ZSCAN20: variants seen among roughly 807,000 people sequenced by gnomAD.
The protein encoded by ZSCAN20 is zinc finger and SCAN domain-containing protein 20.
A neutral mutation model predicts 97.1 loss-of-function variants in ZSCAN20; 39 were observed. The ratio of observed to expected loss-of-function variants is 0.40; its 90% CI spans 0.31 to 0.52. The LOEUF (loss-of-function observed/expected upper bound fraction) is 0.52. Ranked by LOEUF, ZSCAN20 falls within the 20% of genes least tolerant of loss-of-function variation. The probability of loss-of-function intolerance (pLI) is 0.49; values close to 1 mark genes in which losing one functional copy is unlikely to be tolerated. For synonymous variants in ZSCAN20, 456 were observed against 467.3 expected (o/e 0.98, Z 0.31); for missense variants, 1,115 against 1,290.4 (o/e 0.86, Z 2.08).
In ZSCAN20 at chr1:33,493,107, A is replaced by C; in HGVS notation, c.1445-80A>C. 3 of 1,405,422 alleles carry C rather than the reference A, an allele frequency of 2.1e-6. No individual in the cohort carries two copies. The highest frequency in any genetic ancestry group is 2.9e-6 in the Non-Finnish European group (3 of 1,018,592). The allele number at this position is 1,405,422 out of a possible 1,614,324, so 87.1% of individuals were successfully genotyped here. A position where few individuals can be genotyped will look rare whatever the true frequency, so the allele number is the denominator to read the frequency against. On this transcript the variant is annotated intron_variant, in intron 6 of 7. Coordinates refer to ENST00000684572, the MANE Select transcript of ZSCAN20 (RefSeq NM_001377376.1). The surrounding 1 kb of genome is among the most constrained non-coding windows in gnomAD (Gnocchi z 4.3). ...ACATGCCTATGTTCTAGGTATTTTG[A>C]AGGGCAGGTGACTTTATTCTCTGAT... is the stretch of plus-strand genomic sequence containing the variant.
intron 2 of ZSCAN20, among the ~76,000 whole-genome samples, chr1:33,487,236 T>C (rs1315979114): frequency 2.0e-5 from 3 of 152,196 alleles, no homozygotes; most frequent in Non-Finnish European, 4.4e-5. Flanking sequence ...ATGTATGTAT[T>C]TTCTGTTTTT....
chr1:33,478,204 A>G (rs530462744), intron 1 of ZSCAN20, among the ~76,000 whole-genome samples: 1 of 152,122 alleles, frequency 6.6e-6, no homozygotes, highest in Admixed American at 6.5e-5. Context: ...TTGTTGTGCA[A>G]ACAATAGAGC....
In ZSCAN20 at chr1:33,491,396, G is replaced by T. The variant is rs201884495; in HGVS notation, c.1138G>T (p.Val380Phe). 1.8e-4 allele frequency: 289 copies of T among 1,614,040 alleles called. No homozygotes were observed. The highest frequency in any genetic ancestry group is 2.3e-4 in the Non-Finnish European group (268 of 1,180,032). The change falls in exon 6 of 8, where the codon GTC becomes TTC. Residue 380 changes from valine to phenylalanine, a missense_variant. Physicochemically the swap from Val to Phe is conservative, Grantham distance 50. Around this residue, in one of 3 missense-constraint regions of ZSCAN20, gnomAD observed 508 missense variants for 611.2 expected, o/e 0.83. Coordinates refer to ENST00000684572, the MANE Select transcript of ZSCAN20 (RefSeq NM_001377376.1). The surrounding 1 kb of genome is among the most constrained non-coding windows in gnomAD (Gnocchi z 4.3). Reference protein sequence around the residue: ...LRTLEQCRYRVKNLLRNYRKA... With the variant: ...LRTLEQCRYRFKNLLRNYRKA... ...GACACTGGAGCAATGTCGCTATAGG[G>T]TCAAAAACCTCCTACGGAATTACCG...
At chr1:33,479,918 T>C (rs1652083212) in intron 2 of ZSCAN20, among the ~76,000 whole-genome samples, 1 of 152,194 alleles carries the variant, frequency 6.6e-6, no homozygotes, top group African/African-American at 2.4e-5. Flanking sequence ...ATAGGTGCTA[T>C]TATCCTAATT....
chr1:33,487,178 G>A (rs1329569589), intron 2 of ZSCAN20, among the ~76,000 whole-genome samples: 2 of 152,186 alleles, frequency 1.3e-5, no homozygotes, highest in Non-Finnish European at 2.9e-5. Context: ...GAACGGGGTC[G>A]ATGGGATGAA....
At position 33,493,436 on chromosome 1, in the gene ZSCAN20, T is replaced by C; in HGVS notation, c.1694T>C (p.Leu565Pro). The change falls in exon 7 of 8, where the codon CTG becomes CCG. Residue 565 changes from leucine to proline, a missense_variant. Physicochemically the swap from Leu to Pro is moderately conservative, Grantham distance 98 (BLOSUM62 -3). Around this residue, in one of 3 missense-constraint regions of ZSCAN20, gnomAD observed 554 missense variants for 584.9 expected, o/e 0.95. Coordinates refer to ENST00000684572, the MANE Select transcript of ZSCAN20 (RefSeq NM_001377376.1). This position sits in a 1 kb window ranked among gnomAD's most constrained non-coding sequence, Gnocchi z 4.3. ...GGGACATGCCCTTTCTATGAGGAAC[T>C]GGACTCGCTGATGAGGGCTCGGGCT... ...PPGTCPFYEE[L>P]DSLMRARAAV... The C allele has an allele frequency of 6.2e-7, 1 of 1,614,196 alleles. No homozygotes were observed. The highest frequency in any genetic ancestry group is 8.5e-7 in the Non-Finnish European group (1 of 1,180,036).
At position 33,479,462 on chromosome 1, in the gene ZSCAN20, A is replaced by G; in HGVS notation, c.174A>G (p.Gln58=). ...CCCGCCAGCGCTTCAGGCAATTCCA[A>G]TACAGGGATGCAGCTGGACCCCACG... ...EASRQRFRQF[Q]YRDAAGPHEA... Residue 58 remains glutamine, a synonymous_variant, in exon 2 of 8, where the codon CAA becomes CAG. Transcript: ENST00000684572. 1 of 1,614,204 alleles carries G rather than the reference A, an allele frequency of 6.2e-7. No homozygotes were observed. Among genetic ancestry groups the G allele is most frequent in the Non-Finnish European group, 8.5e-7 (1 of 1,180,008 alleles).
At chr1:33,490,307 C>A (rs977714256) in intron 5 of ZSCAN20, among the ~76,000 whole-genome samples, 7 of 152,270 alleles carry the variant, frequency 4.6e-5, no homozygotes, top group African/African-American at 1.7e-4. Flanking sequence ...ATCCTTATAC[C>A]TCTTTAAACC....
Position 33,494,837 on chromosome 1 carries a change from T to C in ZSCAN20, c.2493T>C (p.Phe831=). ...AGTGTAGTGAGCCTGGGGGAAACTT[T>C]GCCCAAAGCCCATCTTTTAGTGCTC... ...PDQCSEPGGN[F]AQSPSFSAHW... is the part of the protein sequence containing the mutation. Residue 831 remains phenylalanine (F), a synonymous_variant, in exon 8 of 8, where the codon TTT becomes TTC. Transcript: ENST00000684572. The C allele has an allele frequency of 6.2e-7, 1 of 1,614,208 alleles. No individual in the cohort carries two copies. Among genetic ancestry groups the C allele is most frequent in the Non-Finnish European group, 8.5e-7 (1 of 1,180,036 alleles).
Position 33,494,427 on chromosome 1 carries a change from G to A in ZSCAN20, c.2083G>A (p.Glu695Lys). ...AGAAAGTTCTTCTGAAGAGGACTTA[G>A]AAAAACTTATTGACCATCAAGGCCT... Reference protein sequence around the residue: ...WQESSSEEDLEKLIDHQGLYL... With the variant: ...WQESSSEEDLKKLIDHQGLYL... The change falls in exon 8 of 8, where the codon GAA (glutamate) becomes AAA (lysine). Residue 695 changes from glutamate to lysine, a missense_variant. Transcript: ENST00000684572. 6.2e-7 allele frequency: 1 copy of A among 1,613,562 alleles called. No homozygotes were observed. Among genetic ancestry groups the A allele is most frequent in the Non-Finnish European group, 8.5e-7 (1 of 1,179,732 alleles).
rs866416831 is a variant in ZSCAN20 at position 33,491,093 on chromosome 1, C to T, written c.835C>T (p.Leu279Phe). 6.2e-7 allele frequency: 1 copy of T among 1,613,528 alleles called. No homozygotes were observed. Among genetic ancestry groups the T allele is most frequent in the Non-Finnish European group, 8.5e-7 (1 of 1,179,984 alleles). The change falls in exon 6 of 8, where the codon CTT (leucine) becomes TTT (phenylalanine). Residue 279 changes from leucine to phenylalanine, a missense_variant. Around this residue, in one of 3 missense-constraint regions of ZSCAN20, gnomAD observed 508 missense variants for 611.2 expected, o/e 0.83. Coordinates refer to ENST00000684572, the MANE Select transcript of ZSCAN20 (RefSeq NM_001377376.1). The surrounding 1 kb of genome is among the most constrained non-coding windows in gnomAD (Gnocchi z 4.3). ...EQGPEFWGLSLINSGKRSTAD... is the reference protein window; with the variant it reads ...EQGPEFWGLSFINSGKRSTAD... ...AGGACCAGAGTTTTGGGGTCTAAGT[C>T]TTATAAATTCTGGGAAAAGGAGCAC...
Position 33,500,746 on chromosome 1 carries a change from G to A in ZSCAN20, c.*5270G>A, listed in dbSNP as rs185831816. On this transcript the variant is annotated 3_prime_UTR_variant, in exon 8 of 8. Transcript: ENST00000684572. ...CCTAGAGGGCGAGGGCCACGGGAAG[G>A]GGGATCAGGAAAACAAGAATCAGTC... Among the ~76,000 whole-genome samples, 1 of 151,766 alleles carries A rather than the reference G, an allele frequency of 6.6e-6. No individual in the cohort carries two copies. The highest frequency in any genetic ancestry group is 2.0e-4 in the East Asian group (1 of 5,104).
Position 33,493,541 on chromosome 1 carries a change from A to C in ZSCAN20, c.1799A>C (p.Gln600Pro). The C allele has an allele frequency of 6.2e-7, 1 of 1,613,194 alleles. No homozygotes were observed. Among genetic ancestry groups the C allele is most frequent in the Non-Finnish European group, 8.5e-7 (1 of 1,179,316 alleles). ...CGQSSAETDAQEAWGEVANED... is the reference protein window; with the variant it reads ...CGQSSAETDAPEAWGEVANED... Reference sequence around the variant, plus strand: ...CAGAGTAGTGCTGAGACTGATGCCCAGGAGGCCTGGGGTGAAGTGGCCAAT... The same window carrying C: ...CAGAGTAGTGCTGAGACTGATGCCCCGGAGGCCTGGGGTGAAGTGGCCAAT... The change falls in exon 7 of 8, where the codon CAG becomes CCG. Residue 600 changes from glutamine to proline, a missense_variant. Gln to Pro is a moderately conservative substitution (Grantham distance 76). Around this residue, in one of 3 missense-constraint regions of ZSCAN20, gnomAD observed 554 missense variants for 584.9 expected, o/e 0.95. Coordinates refer to ENST00000684572, the MANE Select transcript of ZSCAN20 (RefSeq NM_001377376.1). The surrounding 1 kb of genome is among the most constrained non-coding windows in gnomAD (Gnocchi z 4.3).
At chr1:33,481,561 G>A (rs1652156762) in intron 2 of ZSCAN20, among the ~76,000 whole-genome samples, 1 of 152,132 alleles carries the variant, frequency 6.6e-6, no homozygotes, top group Non-Finnish European at 1.5e-5. Flanking sequence ...AGTAGCAGAG[G>A]AGCTTGTTTT....
At chr1:33,484,489 C>T (rs540138028) in intron 2 of ZSCAN20, among the ~76,000 whole-genome samples, 1 of 152,120 alleles carries the variant, frequency 6.6e-6, no homozygotes, top group Non-Finnish European at 1.5e-5. Context: ...TGATGGGTTA[C>T]ATTAATTGAT....
In ZSCAN20 at chr1:33,488,613, T is replaced by C. The variant is rs1320312395; in HGVS notation, c.566T>C (p.Leu189Pro). Residue 189 changes from leucine to proline, a missense_variant, in exon 3 of 8, where the codon CTA (leucine) becomes CCA (proline). This residue lies in a region of ZSCAN20 where 508 missense variants were observed against 611.2 expected (regional missense o/e 0.83). Transcript: ENST00000684572. ...ACATGCCCTGACCTTCCCAATCACC[T>C]AAATGCCGAGGTGGCACCACAGCCT... Reference protein sequence around the residue: ...KNTCPDLPNHLNAEVAPQPLK... With the variant: ...KNTCPDLPNHPNAEVAPQPLK... 2 of 1,613,136 alleles carry C rather than the reference T, an allele frequency of 1.2e-6. No homozygotes were observed. The highest frequency in any genetic ancestry group is 8.5e-7 in the Non-Finnish European group (1 of 1,179,722).
chr1:33,479,613 AC>A lies in ZSCAN20; in HGVS notation c.327del (p.Trp110GlyfsTer42). The A allele has an allele frequency of 6.2e-7, 1 of 1,613,172 alleles. No individual in the cohort carries two copies. The highest frequency in any genetic ancestry group is 8.5e-7 in the Non-Finnish European group (1 of 1,179,568). On this transcript the variant is annotated frameshift_variant, in exon 2 of 8. Transcript: ENST00000684572. LOFTEE classifies it high-confidence loss of function. ...GACTATCTTGCCTAGGGAGGTCCAGACCTGGGTGCAGGCACGCCACCCTGAG... is the reference window on the plus strand; with the variant it reads ...GACTATCTTGCCTAGGGAGGTCCAGACTGGGTGCAGGCACGCCACCCTGAG... ...FLTILPREVQTWVQARHPESG... is the reference protein window; with the variant it reads ...FLTILPREVQXWVQARHPESG...
rs1037232637 is a variant in ZSCAN20 at position 33,498,286 on chromosome 1, T to C, written c.*2810T>C. On this transcript the variant is annotated 3_prime_UTR_variant, in exon 8 of 8. Coordinates refer to ENST00000684572, the MANE Select transcript of ZSCAN20 (RefSeq NM_001377376.1). ...TCACCCTTTCCCCTGGGTTTGGTAG[T>C]GTGTTAGTGTCTCATATCTTTAGTG... 6.6e-6 allele frequency among the ~76,000 whole-genome samples: 1 copy of C among 152,208 alleles called. No homozygotes were observed. Among genetic ancestry groups the C allele is most frequent in the African/African-American group, 2.4e-5 (1 of 41,456 alleles).
In ZSCAN20 at chr1:33,489,294, C is replaced by T. The variant is rs115372761; in HGVS notation, c.681+103C>T. On this transcript the variant is annotated intron_variant, in intron 4 of 7. Coordinates refer to ENST00000684572, the MANE Select transcript of ZSCAN20 (RefSeq NM_001377376.1). ...CCATGACCTCTGCTCAGCAAAAGGG[C>T]ATGAGGCCCAGGGTGTTAGCCTTTG... is the stretch of plus-strand genomic sequence containing the variant. The T allele has an allele frequency of 1.9e-5, 24 of 1,274,860 alleles. No homozygotes were observed. The Admixed American group carries it at 4.7e-4, about 25-fold the overall frequency. 79.0% of individuals were successfully genotyped at this position (1,274,860 alleles called of 1,614,324 possible). A position where few individuals can be genotyped will look rare whatever the true frequency, so the allele number is the denominator to read the frequency against.
Sources: allele counts gnomAD v4.1 joint callset (sites outside exome capture counted in the v4.1 genomes callset), GRCh38; gene constraint gnomAD v4.1.1; regional missense constraint gnomAD v4.1.1; non-coding constraint Gnocchi (gnomAD v3.1); transcripts MANE v1.5; gene names NCBI Gene and HGNC (gene_info 2026-07-23, HGNC 2026-07-21).